The following LPP variants were observed in gnomAD, a reference collection of about 807,000 sequenced individuals.
LPP encodes LIM domain containing preferred translocation partner in lipoma, also known as lipoma-preferred partner.
A neutral mutation model predicts 60.4 loss-of-function variants in LPP; 38 were observed. That is an observed-to-expected ratio of 0.63 (90% CI 0.49 to 0.83). LPP has a LOEUF of 0.83. Ranked by LOEUF, LPP falls within the 40% of genes least tolerant of loss-of-function variation. The probability of loss-of-function intolerance (pLI) is 0.00; values close to 1 mark genes in which losing one functional copy is unlikely to be tolerated. For missense variants in LPP, 902 were observed against 783.6 expected, an observed-to-expected ratio of 1.15 and a Z score of -1.80; for synonymous variants, 328 against 290.8, an observed-to-expected ratio of 1.13 and a Z score of -1.30.
rs967297211 is a variant in LPP at position 188,609,810 on chromosome 3, T to C, written c.1079T>C (p.Val360Ala). 3.0e-5 allele frequency: 49 copies of C among 1,613,274 alleles called. No individual in the cohort carries two copies. Among genetic ancestry groups the C allele is most frequent in the Non-Finnish European group, 4.1e-5 (48 of 1,179,808 alleles). Reference protein sequence around the residue: ...GPKKTYITDPVSAPCAPPLQP... With the variant: ...GPKKTYITDPASAPCAPPLQP... ...AAGAAGACCTATATCACAGATCCTGTTTCAGCCCCCTGTGCGCCACCATTG... is the reference window on the plus strand; with the variant it reads ...AAGAAGACCTATATCACAGATCCTGCTTCAGCCCCCTGTGCGCCACCATTG... Residue 360 changes from valine to alanine, a missense_variant, in exon 7 of 12, where the codon GTT becomes GCT. Coordinates refer to ENST00000617246, the MANE Select transcript of LPP (RefSeq NM_001375462.1). The surrounding 1 kb of genome is among the most constrained non-coding windows in gnomAD (Gnocchi z 6.9).
intron 1 of LPP, among the ~76,000 whole-genome samples, chr3:188,173,764 G>A (rs1454286978): frequency 6.6e-6 from 1 of 152,134 alleles, no homozygotes; most frequent in Non-Finnish European, 1.5e-5. Context: ...GGAAGAGACT[G>A]AGGCCCCCAA....
intron 7 of LPP, among the ~76,000 whole-genome samples, chr3:188,703,798 A>G (rs1167544298): frequency 6.6e-6 from 1 of 152,206 alleles, no homozygotes; most frequent in Non-Finnish European, 1.5e-5. Flanking sequence ...TGAAATATTG[A>G]CAAGGTAAGT....
chr3:188,839,155 G>T (rs1224433147), intron 9 of LPP, among the ~76,000 whole-genome samples: 1 of 152,198 alleles, frequency 6.6e-6, no homozygotes, highest in African/African-American at 2.4e-5. Context: ...CTAGGAAAGA[G>T]AGAACCCTGA....
intron 3 of LPP, among the ~76,000 whole-genome samples, chr3:188,359,968 C>T (rs1768784906): frequency 6.6e-6 from 1 of 152,166 alleles, no homozygotes; most frequent in African/African-American, 2.4e-5. Context: ...CAGCCTTCTC[C>T]ACTTTAACAT....
At chr3:188,715,899 T>C (rs1713773389) in intron 8 of LPP, among the ~76,000 whole-genome samples, 1 of 152,340 alleles carries the variant, frequency 6.6e-6, no homozygotes, top group East Asian at 1.9e-4. Flanking sequence ...ATGGATGTTG[T>C]AATACATCTA....
intron 2 of LPP, among the ~76,000 whole-genome samples, chr3:188,239,405 T>C (rs4686940): frequency 0.6 from 91,861 of 152,116 alleles, 27,997 homozygotes; most frequent in Middle Eastern, 0.69. Context: ...ATGAGTATTA[T>C]GGTCTTTGCT....
At chr3:188,691,182 T>A (rs1862047932) in intron 7 of LPP, among the ~76,000 whole-genome samples, 1 of 152,200 alleles carries the variant, frequency 6.6e-6, no homozygotes, top group South Asian at 2.1e-4. Flanking sequence ...CATTTTTAGT[T>A]ATGAGTGCAA....
At chr3:188,346,158 G>A (rs1433868738) in intron 3 of LPP, among the ~76,000 whole-genome samples, 1 of 123,772 alleles carries the variant, frequency 8.1e-6, no homozygotes, top group Admixed American at 7.5e-5. Context: ...CAAACAGTAT[G>A]TTTGCAGCTT....
chr3:188,642,655 G>A (rs1420572056), intron 7 of LPP, among the ~76,000 whole-genome samples: 3 of 152,154 alleles, frequency 2.0e-5, no homozygotes, highest in Non-Finnish European at 4.4e-5. Context: ...CCTGATAATC[G>A]GTCAGGTGCG....
intron 2 of LPP, among the ~76,000 whole-genome samples, chr3:188,316,874 AGG>A (rs1755244197): frequency 6.6e-6 from 1 of 152,210 alleles, no homozygotes; most frequent in Non-Finnish European, 1.5e-5. Flanking sequence ...CCAGGTTCCC[AGG>A]GAACCTCCTG....
intron 5 of LPP, among the ~76,000 whole-genome samples, chr3:188,511,092 CT>C (rs1231980838): frequency 7.8e-6 from 1 of 128,026 alleles, no homozygotes. Context: ...CCCTGCCCCC[CT>C]CCCTCCCTCC....
At chr3:188,157,142 G>T (rs1716743939) in intron 1 of LPP, among the ~76,000 whole-genome samples, 1 of 152,130 alleles carries the variant, frequency 6.6e-6, no homozygotes, top group Admixed American at 6.5e-5. Context: ...TGATAAAATT[G>T]TTCATCATGT....
At chr3:188,822,614 A>T (rs1754293983) in intron 9 of LPP, among the ~76,000 whole-genome samples, 1 of 152,168 alleles carries the variant, frequency 6.6e-6, no homozygotes, top group Non-Finnish European at 1.5e-5. Flanking sequence ...CTCATTTGAT[A>T]ACCTCATAAA....
At chr3:188,223,310 A>G (rs1334555447) in intron 1 of LPP, among the ~76,000 whole-genome samples, 1 of 152,204 alleles carries the variant, frequency 6.6e-6, no homozygotes, top group Non-Finnish European at 1.5e-5. Context: ...CTTCTGAACT[A>G]TAACCGGGTG....
chr3:188,191,642 A>G (rs1728204689), intron 1 of LPP, among the ~76,000 whole-genome samples: 1 of 152,102 alleles, frequency 6.6e-6, no homozygotes, highest in Non-Finnish European at 1.5e-5. Flanking sequence ...GTGAGCAAAC[A>G]CTCACTGAAG....
At chr3:188,367,549 A>G (rs1376690170) in intron 3 of LPP, among the ~76,000 whole-genome samples, 1 of 152,240 alleles carries the variant, frequency 6.6e-6, no homozygotes, top group Non-Finnish European at 1.5e-5. Context: ...ATAGAGTTAA[A>G]TGTACAAGTT....
At chr3:188,665,456 TCTTC>T (rs761959317) in intron 7 of LPP, among the ~76,000 whole-genome samples, 1,459 of 89,822 alleles carry the variant, frequency 0.016, 14 homozygotes, top group Middle Eastern at 0.057. Flanking sequence ...TTCTTCTTCT[TCTTC>T]TTTTTTTTTT....
intron 1 of LPP, among the ~76,000 whole-genome samples, chr3:188,196,211 CT>C (rs1729496474): frequency 6.6e-6 from 1 of 152,158 alleles, no homozygotes; most frequent in African/African-American, 2.4e-5. Context: ...CATTGCAGAG[CT>C]TTGTCTCATG....
chr3:188,774,972 G>A (rs1373111859), intron 9 of LPP, among the ~76,000 whole-genome samples: 2 of 151,726 alleles, frequency 1.3e-5, no homozygotes, highest in African/African-American at 4.8e-5. Flanking sequence ...CTATAGATCT[G>A]TAAGTGCATA....
Sources: allele counts gnomAD v4.1 joint callset (sites outside exome capture counted in the v4.1 genomes callset), GRCh38; gene constraint gnomAD v4.1.1; non-coding constraint Gnocchi (gnomAD v3.1); transcripts MANE v1.5; gene names NCBI Gene and HGNC (gene_info 2026-07-23, HGNC 2026-07-21).